CLHC1: variants seen among roughly 807,000 people sequenced by gnomAD.
CLHC1 encodes clathrin heavy chain linker domain-containing protein 1.
CLHC1 carries 72 observed loss-of-function variants against 69.5 expected under a neutral mutation model. The observed-to-expected ratio is 1.04, with a 90% CI of 0.86 to 1.26. The LOEUF is 1.26. Ranked by LOEUF, CLHC1 falls within the 50% of genes most tolerant of loss-of-function variation. The pLI, the probability that CLHC1 is intolerant of heterozygous loss-of-function variation, is 0.00. For missense variants in CLHC1, 790 were observed against 679.3 expected (o/e 1.16, Z -1.81); for synonymous variants, 223 against 224.3 (o/e 0.99, Z 0.05).
At position 55,206,328 on chromosome 2, in the gene CLHC1, A is replaced by G. The variant is rs1403524038; in HGVS notation, c.948T>C (p.Tyr316=). The change falls in exon 9 of 13, where the codon TAT becomes TAC. Residue 316 remains tyrosine (Y), a synonymous_variant. Coordinates refer to ENST00000401408, the MANE Select transcript of CLHC1 (RefSeq NM_152385.4). ...SLGEYEKAAC[Y]AANSPRRILR... ...GAATTCTTCTAGGACTGTTTGCTGC[A>G]TAACAAGCTGCCTTTTCATATTCAC... 3 of 1,611,940 alleles carry G rather than the reference A, an allele frequency of 1.9e-6. No individual in the cohort carries two copies. The Admixed American group carries it at 5.0e-5, about 27-fold the overall frequency.
chr2:55,174,267 C>T lies in CLHC1; in HGVS notation c.*1523G>A. ...TAATTATCCAGTATTCTATTTAGCA[C>T]CAAATGGAAAAATTAAAAACTCAGC... On this transcript the variant is annotated 3_prime_UTR_variant, in exon 13 of 13. Coordinates refer to ENST00000401408, the MANE Select transcript of CLHC1 (RefSeq NM_152385.4). Among the ~76,000 whole-genome samples the T allele has an allele frequency of 6.6e-6, 1 of 152,188 alleles. No individual in the cohort carries two copies. The highest frequency in any genetic ancestry group is 1.9e-4 in the East Asian group (1 of 5,188).
At chr2:55,223,100 G>T (rs1389756044) in intron 2 of CLHC1, among the ~76,000 whole-genome samples, 1 of 151,978 alleles carries the variant, frequency 6.6e-6, no homozygotes. Context: ...TCTAATAGAA[G>T]GTTTGGTATT....
At chr2:55,231,384 T>C (rs1184262101) in intron 1 of CLHC1, among the ~76,000 whole-genome samples, 1 of 152,006 alleles carries the variant, frequency 6.6e-6, no homozygotes, top group East Asian at 1.9e-4. Context: ...GTTTAGCAGA[T>C]TAGGTTGTAA....
At chr2:55,179,956 C>A (rs1408835492) in intron 11 of CLHC1, among the ~76,000 whole-genome samples, 1 of 152,062 alleles carries the variant, frequency 6.6e-6, no homozygotes, top group Non-Finnish European at 1.5e-5. Flanking sequence ...AGATCAAGAC[C>A]ATCCTGGCTA....
At chr2:55,201,255 A>T (rs975768565) in intron 9 of CLHC1, among the ~76,000 whole-genome samples, 6 of 151,080 alleles carry the variant, frequency 4.0e-5, no homozygotes, top group Non-Finnish European at 3.0e-5. Flanking sequence ...AAAAAAAAAA[A>T]TTGACAAATC....
rs1015167354 is a variant in CLHC1, at chr2:55,212,796, T to C, written c.376A>G (p.Ile126Val). 6.2e-6 allele frequency: 10 copies of C among 1,602,476 alleles called. No homozygotes were observed. The East Asian group carries it at 1.3e-4, about 21-fold the overall frequency. ...TGAATCTTCGAGGAATTACTTTCGATAATCCTCATTCTGGAAAACAGAAAG... is the reference window on the plus strand; with the variant it reads ...TGAATCTTCGAGGAATTACTTTCGACAATCCTCATTCTGGAAAACAGAAAG... ...TIQLEAKMRI[I>V]ESNSSKIQSQ... The change falls in exon 5 of 13, where the codon ATC becomes GTC. Residue 126 changes from isoleucine to valine, a missense_variant. Ile to Val is a conservative substitution (Grantham distance 29). Transcript: ENST00000401408.
intron 11 of CLHC1, among the ~76,000 whole-genome samples, chr2:55,179,069 C>G (rs902959766): frequency 0.028 from 1 of 36 alleles, no homozygotes; most frequent in Admixed American, 0.12. Context: ...GCTGGGACTA[C>G]AGACCCATCC....
chr2:55,226,054 T>G (rs1287440690), intron 2 of CLHC1: 4 of 151,882 alleles, frequency 2.6e-5, no homozygotes, highest in African/African-American at 9.7e-5. Context: ...TAGCCGGGTG[T>G]GGTGGCGGGC....
At chr2:55,178,224 GT>G (rs1216612557) in intron 11 of CLHC1, among the ~76,000 whole-genome samples, 1 of 152,106 alleles carries the variant, frequency 6.6e-6, no homozygotes, top group Non-Finnish European at 1.5e-5. Context: ...CCAAATTCTG[GT>G]GAGTATAATG....
At chr2:55,213,158 G>A (rs1432430999) in intron 4 of CLHC1, among the ~76,000 whole-genome samples, 5 of 152,132 alleles carry the variant, frequency 3.3e-5, no homozygotes, top group African/African-American at 1.2e-4. Context: ...CCACTAACCT[G>A]GTGACTACAA....
intron 2 of CLHC1, chr2:55,224,642 T>G: frequency 4.3e-6 from 1 of 234,318 alleles, no homozygotes; most frequent in East Asian, 1.3e-4. Flanking sequence ...GCGTTGGGAG[T>G]GTCTGAGGCG....
At position 55,175,974 on chromosome 2, in the gene CLHC1, C is replaced by A. The variant is rs751820485; in HGVS notation, c.1577G>T (p.Ser526Ile). The A allele has an allele frequency of 2.5e-6, 4 of 1,613,190 alleles. No individual in the cohort carries two copies. The East Asian group carries it at 8.9e-5, about 36-fold the overall frequency. Residue 526 changes from serine to isoleucine, a missense_variant, in exon 13 of 13, where the codon AGT becomes ATT. Transcript: ENST00000401408. ...INKGGIDAVESLMINDSFCSI... is the reference protein window; with the variant it reads ...INKGGIDAVEILMINDSFCSI... ...GCAAAAGGAATCATTTATCATAAGA[C>A]TTTCTACTGCATCTGTGGGGAAAAA...
At chr2:55,210,397 T>C (rs531540238) in intron 5 of CLHC1, among the ~76,000 whole-genome samples, 3 of 151,898 alleles carry the variant, frequency 2.0e-5, no homozygotes, top group Non-Finnish European at 2.9e-5. Flanking sequence ...GGTTTCACCA[T>C]GTTGGCCAGG....
intron 9 of CLHC1, among the ~76,000 whole-genome samples, chr2:55,186,834 T>A (rs528944336): frequency 6.6e-6 from 1 of 152,086 alleles, no homozygotes; most frequent in African/African-American, 2.4e-5. Context: ...GAAGCCATAA[T>A]AAAGATGAAC....
At chr2:55,183,385 G>A (rs989518458) in intron 9 of CLHC1, among the ~76,000 whole-genome samples, 1 of 152,216 alleles carries the variant, frequency 6.6e-6, no homozygotes, top group Non-Finnish European at 1.5e-5. Context: ...GGGCAATGGC[G>A]AGGAAGAATA....
chr2:55,179,907 C>A (rs1029859947), intron 11 of CLHC1, among the ~76,000 whole-genome samples: 2 of 152,186 alleles, frequency 1.3e-5, no homozygotes, highest in African/African-American at 4.8e-5. Context: ...GCAATCCCAG[C>A]ACTTTGAGAG....
intron 4 of CLHC1, among the ~76,000 whole-genome samples, chr2:55,213,223 T>C (rs1287587061): frequency 6.6e-6 from 1 of 152,202 alleles, no homozygotes; most frequent in South Asian, 2.1e-4. Flanking sequence ...AAAATCAGTA[T>C]CACCGGACCA....
chr2:55,228,487 A>G (rs972745356), intron 1 of CLHC1, among the ~76,000 whole-genome samples: 2 of 152,210 alleles, frequency 1.3e-5, no homozygotes, highest in African/African-American at 4.8e-5. Context: ...TCATTCATTC[A>G]TTCATATTAG....
intron 4 of CLHC1, chr2:55,214,249 C>A (rs1328642896): frequency 1.3e-5 from 2 of 152,252 alleles, no homozygotes; most frequent in African/African-American, 4.8e-5. Context: ...GTGGCTCATG[C>A]CTGTAATCCC....
Sources: gnomAD v4.1 joint callset for allele counts (sites outside exome capture counted in the v4.1 genomes callset) on GRCh38, gnomAD v4.1.1 for gene constraint, MANE v1.5 for transcripts, NCBI Gene and HGNC (gene_info 2026-07-23, HGNC 2026-07-21) for gene names.